ANKAR: variants seen among roughly 807,000 people sequenced by gnomAD.
ANKAR encodes the protein ankyrin and armadillo repeat-containing protein.
ANKAR carries 136 observed loss-of-function variants against 146.2 expected under a neutral mutation model. That is an observed-to-expected ratio of 0.93 (90% CI 0.81 to 1.07). The LOEUF is 1.07. Among genes scored for constraint, ANKAR ranks in the 50% least tolerant of loss-of-function variants. ANKAR has a pLI of 0.00. For missense variants in ANKAR, 1,567 were observed against 1,679.9 expected (o/e 0.93, Z 1.18); for synonymous variants, 500 against 575.8 (o/e 0.87, Z 1.88).
chr2:189,715,809 A>T (rs2040388715), intron 10 of ANKAR, among the ~76,000 whole-genome samples: 1 of 152,234 alleles, frequency 6.6e-6, no homozygotes, highest in Non-Finnish European at 1.5e-5. Flanking sequence ...AATGTAATCC[A>T]TCACATAAAC....
At chr2:189,755,665 A>G in intron 18 of ANKAR, 1 of 1,196,438 alleles carries the variant, frequency 8.4e-7, no homozygotes, top group Non-Finnish European at 1.1e-6. Flanking sequence ...TATATAGCTG[A>G]GTAAGTCAAG....
intron 5 of ANKAR, among the ~76,000 whole-genome samples, chr2:189,693,934 A>G (rs2036813965): frequency 6.6e-6 from 1 of 152,084 alleles, no homozygotes; most frequent in South Asian, 2.1e-4. Flanking sequence ...TTTTTAGTAG[A>G]GAAGAGGTTT....
At chr2:189,762,739 T>G, downstream of ANKAR, 1 of 985,502 alleles carries the variant, frequency 1.0e-6, no homozygotes, top group East Asian at 1.1e-4. Context: ...CTAAAGACTG[T>G]CGACTGCCCT....
intron 2 of ANKAR, among the ~76,000 whole-genome samples, 200 bp from the exon 3 acceptor site, chr2:189,689,327 T>C (rs1253902796): frequency 1.3e-5 from 2 of 152,144 alleles, no homozygotes; most frequent in Non-Finnish European, 2.9e-5. Flanking sequence ...TTCTTTGGGG[T>C]CCCCTTGCCC....
intron 12 of ANKAR, among the ~76,000 whole-genome samples, chr2:189,723,924 A>G (rs1159602030): frequency 3.3e-5 from 5 of 152,220 alleles, no homozygotes; most frequent in Non-Finnish European, 7.3e-5. Flanking sequence ...TCCTTTCAGA[A>G]TTTGGGTCCA....
downstream of ANKAR, among the ~76,000 whole-genome samples, chr2:189,749,557 CA>C (rs978423501): frequency 4.6e-5 from 7 of 151,310 alleles, no homozygotes; most frequent in South Asian, 2.1e-4. Context: ...AAAAAAAATC[CA>C]AAAAAACTCC....
intron 18 of ANKAR, chr2:189,754,987 AG>A: frequency 1.5e-6 from 1 of 661,300 alleles, no homozygotes; most frequent in East Asian, 2.9e-5. Flanking sequence ...CATTTTATTA[AG>A]AAAGGCTAAG....
Position 189,689,546 on chromosome 2 carries a change from G to T in ANKAR, c.621G>T (p.Lys207Asn). The T allele has an allele frequency of 6.3e-7, 1 of 1,582,554 alleles. No homozygotes were observed. Among genetic ancestry groups the T allele is most frequent in the African/African-American group, 1.4e-5 (1 of 73,408 alleles). Residue 207 changes from lysine (K) to asparagine (N), a missense_variant, in exon 3 of 23, where the codon AAG (lysine) becomes AAT (asparagine). By Grantham distance (94) the Lys-to-Asn change is moderately conservative. Transcript: ENST00000684021. Reference sequence around the variant, plus strand: ...ATGAAGGTTTGACTGATATTACAAAGGATCCAGACTTTAATGAAATCTATG... The same window carrying T: ...ATGAAGGTTTGACTGATATTACAAATGATCCAGACTTTAATGAAATCTATG... ...FSSAGLTDITKDPDFNEIYDE... is the reference protein window; with the variant it reads ...FSSAGLTDITNDPDFNEIYDE...
rs1197313869 is a variant in ANKAR at position 189,693,087 on chromosome 2, AAAT to A, written c.1219_1221del (p.Ile407del). On this transcript the variant is annotated inframe_deletion, in exon 5 of 23. Transcript: ENST00000684021. ...CTCATATTTTAGAAAAATTTAGAAAAAATACGAGATTGTGCTGCTAATACATTT... is the reference window on the plus strand; with the variant it reads ...CTCATATTTTAGAAAAATTTAGAAAAACGAGATTGTGCTGCTAATACATTT... The A allele has an allele frequency of 4.0e-6, 6 of 1,518,862 alleles. No homozygotes were observed. Among genetic ancestry groups the A allele is most frequent in the South Asian group, 1.2e-5 (1 of 82,224 alleles). The allele number at this position is 1,518,862 out of a possible 1,614,324, so 94.1% of individuals were successfully genotyped here.
chr2:189,677,116 A>ATT (rs61285192), intron 2 of ANKAR, 25 bp downstream of exon 2: 729 of 1,277,110 alleles, frequency 5.7e-4, no homozygotes, highest in African/African-American at 1.2e-3. Context: ...CACTTCTTAA[A>ATT]TTTTTTTTTT....
chr2:189,678,258 A>G (rs1309318267), intron 2 of ANKAR, among the ~76,000 whole-genome samples: 1 of 152,144 alleles, frequency 6.6e-6, no homozygotes, highest in Non-Finnish European at 1.5e-5. Context: ...TTGTCTATTC[A>G]TGGCTTTTGC....
intron 7 of ANKAR, 47 bp downstream of exon 7, chr2:189,696,416 T>A: frequency 6.4e-7 from 1 of 1,552,204 alleles, no homozygotes; most frequent in Non-Finnish European, 8.8e-7. Flanking sequence ...TTATTTACCC[T>A]TACTCAGCAT....
chr2:189,749,232 C>T (rs899008613), downstream of ANKAR, among the ~76,000 whole-genome samples: 2 of 111,020 alleles, frequency 1.8e-5, no homozygotes, highest in Admixed American at 1.4e-4. Context: ...GACAACAGAG[C>T]GAGACTCTGT....
chr2:189,675,898 A>T (rs529550130), intron 1 of ANKAR: 1 of 152,540 alleles, frequency 6.6e-6, no homozygotes, highest in South Asian at 2.1e-4. Flanking sequence ...TTAAGAGTAG[A>T]CACCTCCCCT....
downstream of ANKAR, chr2:189,762,618 A>G (rs1186711226): frequency 9.1e-6 from 9 of 985,320 alleles, no homozygotes; most frequent in Non-Finnish European, 1.1e-5. Flanking sequence ...CGACGGGCGC[A>G]AACTGGAACC....
rs150001270 is a variant in ANKAR at position 189,688,249 on chromosome 2, T to C, written c.602-1278T>C. ...TTCCCCAGCATATGTTCTTGGCACC[T>C]TTGTTGAAAATGAGTTCATTGTATA... On this transcript the variant is annotated intron_variant, in intron 2 of 22. Transcript: ENST00000684021. 1.2e-4 allele frequency among the ~76,000 whole-genome samples: 19 copies of C among 152,302 alleles called. No individual in the cohort carries two copies. In the East Asian group the frequency reaches 3.7e-3, roughly 29 times the overall value.
intron 18 of ANKAR, among the ~76,000 whole-genome samples, chr2:189,756,276 A>C (rs2046073793): frequency 6.6e-6 from 1 of 152,178 alleles, no homozygotes; most frequent in Non-Finnish European, 1.5e-5. Flanking sequence ...AGGATGGTGG[A>C]TGGCCACTCC....
intron 15 of ANKAR, among the ~76,000 whole-genome samples, 155 bp downstream of exon 15, chr2:189,728,976 G>C (rs1000787579): frequency 2.0e-5 from 3 of 152,158 alleles, no homozygotes; most frequent in Non-Finnish European, 4.4e-5. Context: ...TTTAAAGTTT[G>C]TCTAAGAACT....
At chr2:189,747,506 C>G (rs1352489351), downstream of ANKAR, among the ~76,000 whole-genome samples, 1 of 152,020 alleles carries the variant, frequency 6.6e-6, no homozygotes, top group African/African-American at 2.4e-5. Flanking sequence ...TTGTGGCTAA[C>G]AGTGTTGCTC....
Sources: gnomAD v4.1 joint callset for allele counts (sites outside exome capture counted in the v4.1 genomes callset) on GRCh38, gnomAD v4.1.1 for gene constraint, MANE v1.5 for transcripts, NCBI Gene and HGNC (gene_info 2026-07-23, HGNC 2026-07-21) for gene names.